The following DLD variants were observed in gnomAD, a reference collection of about 807,000 sequenced individuals.
DLD encodes the protein dihydrolipoamide dehydrogenase, also known as dihydrolipoyl dehydrogenase, mitochondrial.
A neutral mutation model predicts 62.2 loss-of-function variants in DLD; 36 were observed. That is an observed-to-expected ratio of 0.58 (90% CI 0.44 to 0.76). The LOEUF (loss-of-function observed/expected upper bound fraction) is 0.76, where lower values mean the gene tolerates loss of function less well. Among genes scored for constraint, DLD ranks in the 30% least tolerant of loss-of-function variants. The pLI is 0.00. For missense variants in DLD, 541 were observed against 608.6 expected (o/e 0.89, Z 1.17); for synonymous variants, 204 against 199.6 (o/e 1.02, Z -0.19).
In DLD at chr7:107,892,294, A is replaced by G. The variant is rs1403258252; in HGVS notation, c.40-906A>G. Among the ~76,000 whole-genome samples, 10 of 152,282 alleles carry G rather than the reference A, an allele frequency of 6.6e-5. No individual in the cohort carries two copies. The South Asian group carries it at 1.7e-3, about 25-fold the overall frequency. On this transcript the variant is annotated intron_variant, in intron 1 of 13. Transcript: ENST00000205402. The stretch of plus-strand genomic sequence containing the variant: ...ACATATAGAGATTAGGGAGATTATG[A>G]TGCAATTTGTCAAACTGTAGTAGCA...
intron 8 of DLD, among the ~76,000 whole-genome samples, chr7:107,913,373 A>G (rs901003457): frequency 6.6e-6 from 1 of 152,098 alleles, no homozygotes; most frequent in African/African-American, 2.4e-5. Context: ...GTCCATGAAC[A>G]TGAACTATTT....
chr7:107,910,001 C>T (rs2032102556), intron 8 of DLD, among the ~76,000 whole-genome samples: 1 of 151,824 alleles, frequency 6.6e-6, no homozygotes, highest in South Asian at 2.1e-4. Context: ...TACAGGCACG[C>T]ACCACCATAC....
chr7:107,902,762 C>G (rs2031908286), intron 4 of DLD, among the ~76,000 whole-genome samples: 1 of 152,102 alleles, frequency 6.6e-6, no homozygotes, highest in South Asian at 2.1e-4. Flanking sequence ...CCTTTTTCAC[C>G]TGCCACCCTG....
Position 107,891,194 on chromosome 7 carries a change from G to T in DLD, c.-57G>T. 1.9e-6 allele frequency: 3 copies of T among 1,608,448 alleles called. No individual in the cohort carries two copies. The highest frequency in any genetic ancestry group is 1.1e-5 in the South Asian group (1 of 90,770). Reference sequence around the variant, plus strand: ...CAGGGAGGGGAGACCTTGGCGGAGCGGCGGAGGCGCCCAGCGGAGGTGAAA... The same window carrying T: ...CAGGGAGGGGAGACCTTGGCGGAGCTGCGGAGGCGCCCAGCGGAGGTGAAA... On this transcript the variant is annotated 5_prime_UTR_variant, in exon 1 of 14. Coordinates refer to ENST00000205402, the MANE Select transcript of DLD (RefSeq NM_000108.5).
intron 2 of DLD, among the ~76,000 whole-genome samples, chr7:107,899,520 ACTAT>A (rs2031823601): frequency 6.6e-6 from 1 of 151,990 alleles, no homozygotes; most frequent in Non-Finnish European, 1.5e-5. Context: ...CCATGGACCT[ACTAT>A]AAGAATTGTT....
intron 2 of DLD, among the ~76,000 whole-genome samples, chr7:107,901,504 A>G (rs1415595235): frequency 6.6e-6 from 1 of 152,182 alleles, no homozygotes; most frequent in Non-Finnish European, 1.5e-5. Context: ...GTGTTTCTGT[A>G]TGTTGTAATG....
At chr7:107,908,666 C>CA (rs34468175) in intron 8 of DLD, among the ~76,000 whole-genome samples, 2,963 of 111,226 alleles carry the variant, frequency 0.027, 40 homozygotes, top group Middle Eastern at 0.051. Context: ...GACCCTGTCT[C>CA]AAAAAAAAAA....
intron 8 of DLD, among the ~76,000 whole-genome samples, chr7:107,910,549 C>T (rs1233196293): frequency 6.6e-6 from 1 of 152,016 alleles, no homozygotes; most frequent in African/African-American, 2.4e-5. Flanking sequence ...TCTTCCATTC[C>T]AGTTTAGTGT....
At chr7:107,899,116 C>T (rs2031811036) in intron 2 of DLD, among the ~76,000 whole-genome samples, 1 of 152,028 alleles carries the variant, frequency 6.6e-6, no homozygotes, top group Non-Finnish European at 1.5e-5. Context: ...GCTTACAGTA[C>T]CACATATGTG....
Position 107,903,411 on chromosome 7 carries a change from G to A in DLD, c.268-67G>A, listed in dbSNP as rs2031926716. 6 of 1,011,930 alleles carry A rather than the reference G, an allele frequency of 5.9e-6. No individual in the cohort carries two copies. The Admixed American group carries it at 7.3e-5, about 12-fold the overall frequency. 62.7% of individuals were successfully genotyped at this position (1,011,930 alleles called of 1,614,324 possible). ...GAAAAGAAAGACTATCATTTCATAA[G>A]TGCTTTTTGATTATTTGAAGTCTGT... On this transcript the variant is annotated intron_variant, in intron 4 of 13. Transcript: ENST00000205402.
intron 8 of DLD, among the ~76,000 whole-genome samples, chr7:107,907,081 A>G (rs1043525152): frequency 1.3e-5 from 2 of 151,800 alleles, no homozygotes; most frequent in African/African-American, 4.8e-5. Flanking sequence ...TCCCTTTCCA[A>G]TCTTGACTGC....
chr7:107,893,345 A>C (rs1313902410), intron 2 of DLD, 67 bp downstream of exon 2: 5 of 1,200,102 alleles, frequency 4.2e-6, no homozygotes, highest in Non-Finnish European at 4.9e-6. Context: ...TTCAATGTAA[A>C]AGCAAGTGAA....
In DLD at chr7:107,893,373, T is replaced by C. The variant is rs867310982; in HGVS notation, c.118+95T>C. On this transcript the variant is annotated intron_variant, in intron 2 of 13. Coordinates refer to ENST00000205402, the MANE Select transcript of DLD (RefSeq NM_000108.5). ...CAAGTGAATATTGGAATAACTTATG[T>C]TAAGTGTCTTATAGTTCATTTGTTC... 152 of 905,234 alleles carry C rather than the reference T, an allele frequency of 1.7e-4. No individual in the cohort carries two copies. In the Middle Eastern group the frequency reaches 3.1e-3, roughly 18 times the overall value. 56.1% of individuals were successfully genotyped at this position (905,234 alleles called of 1,614,324 possible).
chr7:107,897,125 G>T (rs755562275), intron 2 of DLD, among the ~76,000 whole-genome samples: 1 of 152,110 alleles, frequency 6.6e-6, no homozygotes. Context: ...ATGAGCCACC[G>T]CGCCTGGCCA....
intron 8 of DLD, 85 bp downstream of exon 8, chr7:107,906,453 T>A: frequency 1.2e-6 from 1 of 839,556 alleles, no homozygotes; most frequent in Non-Finnish European, 2.1e-6. Context: ...TGTATAACAT[T>A]ACAGGCTGAT....
intron 2 of DLD, among the ~76,000 whole-genome samples, chr7:107,894,483 C>G (rs2031667747): frequency 6.6e-6 from 1 of 152,096 alleles, no homozygotes. Flanking sequence ...TTGAACAGGT[C>G]AAGAAATCCT....
At chr7:107,900,065 A>G (rs1236823728) in intron 2 of DLD, among the ~76,000 whole-genome samples, 1 of 152,166 alleles carries the variant, frequency 6.6e-6, no homozygotes, top group Non-Finnish European at 1.5e-5. Flanking sequence ...CAGATGGATC[A>G]GTAAAAATTG....
Position 107,906,271 on chromosome 7 carries a change from A to T in DLD, c.587A>T (p.Asp196Val). ...EVTPFPGITI[D>V]EDTIVSSTGA... ...TATCTTTTGTTTTTCTTACAGATAG[A>T]TGAAGATACAATAGTGTCATCTACA... Residue 196 changes from aspartate to valine, a missense_variant, in exon 8 of 14, where the codon GAT (aspartate) becomes GTT (valine). Physicochemically the swap from Asp to Val is radical, Grantham distance 152 (BLOSUM62 -3). Coordinates refer to ENST00000205402, the MANE Select transcript of DLD (RefSeq NM_000108.5). 1.3e-6 allele frequency: 2 copies of T among 1,554,954 alleles called. No individual in the cohort carries two copies. Among genetic ancestry groups the T allele is most frequent in the Non-Finnish European group, 1.8e-6 (2 of 1,126,440 alleles).
At chr7:107,892,080 G>A (rs1167331068) in intron 1 of DLD, among the ~76,000 whole-genome samples, 1 of 152,200 alleles carries the variant, frequency 6.6e-6, no homozygotes, top group African/African-American at 2.4e-5. Context: ...GCGGAGGTGG[G>A]ACTGAAACTC....
Sources: gnomAD v4.1 joint callset for allele counts (sites outside exome capture counted in the v4.1 genomes callset) on GRCh38, gnomAD v4.1.1 for gene constraint, MANE v1.5 for transcripts, NCBI Gene and HGNC (gene_info 2026-07-23, HGNC 2026-07-21) for gene names.